ZPBP: variants seen among roughly 807,000 people sequenced by gnomAD.
The protein encoded by ZPBP is zona pellucida-binding protein 1.
ZPBP carries 26 observed loss-of-function variants against 44.8 expected under a neutral mutation model. That is an observed-to-expected ratio of 0.58 (90% CI 0.43 to 0.81). ZPBP has a LOEUF of 0.81. ZPBP is among the 30% of genes least tolerant of loss of function. The pLI, the probability that ZPBP is intolerant of heterozygous loss-of-function variation, is 0.00. For missense variants in ZPBP, 409 were observed against 434.0 expected, an observed-to-expected ratio of 0.94 and a Z score of 0.51; for synonymous variants, 174 against 153.2, an observed-to-expected ratio of 1.14 and a Z score of -1.00.
At chr7:49,872,102 A>G (rs541092471) in intron 2 of ZPBP, among the ~76,000 whole-genome samples, 7 of 152,290 alleles carry the variant, frequency 4.6e-5, no homozygotes, top group Middle Eastern at 3.4e-3. Context: ...ATACTATGAA[A>G]CAGAAACCTG....
intron 1 of ZPBP, 30 bp downstream of exon 1, chr7:50,093,038 C>T (rs199948929): frequency 3.8e-6 from 6 of 1,586,428 alleles, no homozygotes; most frequent in Middle Eastern, 1.7e-4. Context: ...GTTGTCCCTG[C>T]GGAGCCGGCA....
intron 6 of ZPBP, among the ~76,000 whole-genome samples, chr7:49,997,260 C>A (rs1362867043): frequency 6.6e-6 from 1 of 152,140 alleles, no homozygotes; most frequent in African/African-American, 2.4e-5. Context: ...ATATTTTGAC[C>A]CATGTTTCAG....
chr7:49,933,907 TG>T (rs1794539555), downstream of ZPBP, among the ~76,000 whole-genome samples: 1 of 31,912 alleles, frequency 3.1e-5, no homozygotes, highest in African/African-American at 1.3e-4. Flanking sequence ...TGTTGTGGGC[TG>T]GGGGGAGGGG....
At chr7:49,947,090 A>T (rs1795132537) in intron 7 of ZPBP, among the ~76,000 whole-genome samples, 1 of 152,102 alleles carries the variant, frequency 6.6e-6, no homozygotes. Flanking sequence ...CAGGATTCTG[A>T]ATTCCTTCTC....
At chr7:49,946,282 T>C (rs1407073231) in intron 7 of ZPBP, among the ~76,000 whole-genome samples, 1 of 152,132 alleles carries the variant, frequency 6.6e-6, no homozygotes, top group African/African-American at 2.4e-5. Context: ...TCTGTGTTTT[T>C]TTGTGTATTT....
chr7:49,855,944 C>T (rs1384729438), intron 2 of ZPBP, among the ~76,000 whole-genome samples: 1 of 152,214 alleles, frequency 6.6e-6, no homozygotes, highest in Non-Finnish European at 1.5e-5. Context: ...CACTGAGAGA[C>T]ACTAAGCCCC....
intron 2 of ZPBP, among the ~76,000 whole-genome samples, chr7:50,084,894 C>T (rs1802558692): frequency 6.6e-6 from 1 of 152,044 alleles, no homozygotes; most frequent in South Asian, 2.1e-4. Context: ...TCAGAAAAAA[C>T]ATTTCCAGAA....
rs571645757 is a variant in ZPBP, at chr7:50,009,066, A to G, written c.783+9174T>C. On this transcript the variant is annotated intron_variant, in intron 6 of 7. Coordinates refer to ENST00000046087, the MANE Select transcript of ZPBP (RefSeq NM_007009.3). ...CTGGCCATCATGGTGAAACCAAGTC[A>G]TTACTAAAAATACAAAAAAGATCAG... Among the ~76,000 whole-genome samples the G allele has an allele frequency of 3.3e-5, 5 of 151,902 alleles. No individual in the cohort carries two copies. In the South Asian group the frequency reaches 1.0e-3, roughly 32 times the overall value.
chr7:50,063,025 G>C (rs192814749), intron 3 of ZPBP, among the ~76,000 whole-genome samples: 2 of 152,244 alleles, frequency 1.3e-5, no homozygotes, highest in South Asian at 2.1e-4. Flanking sequence ...CTACAGAAGA[G>C]AGAAACAAAG....
At position 49,983,537 on chromosome 7, in the gene ZPBP, T is replaced by C. The variant is rs1797122127; in HGVS notation, c.784-18A>G. On this transcript the variant is annotated intron_variant, in intron 6 of 7. Coordinates refer to ENST00000046087, the MANE Select transcript of ZPBP (RefSeq NM_007009.3). Reference sequence around the variant, plus strand: ...TTTTTAGCCTAAAACATAAATACAATTTGATAAACTGTTAGCCATAAAAAA... The same window carrying C: ...TTTTTAGCCTAAAACATAAATACAACTTGATAAACTGTTAGCCATAAAAAA... The C allele has an allele frequency of 2.7e-6, 4 of 1,454,992 alleles. No individual in the cohort carries two copies. The highest frequency in any genetic ancestry group is 1.4e-5 in the African/African-American group (1 of 70,966). The allele number at this position is 1,454,992 out of a possible 1,614,324, so 90.1% of individuals were successfully genotyped here.
At position 50,093,175 on chromosome 7, in the gene ZPBP, C is replaced by A; in HGVS notation, c.20G>T (p.Gly7Val). The change falls in exon 1 of 8, where the codon GGC becomes GTC. Residue 7 changes from glycine to valine, a missense_variant. Around this residue, in one of 2 missense-constraint regions of ZPBP, gnomAD observed 367 missense variants for 363.1 expected, o/e 1.01. Transcript: ENST00000046087. MEAFALGPARRGRRRTR... is the reference protein window; with the variant it reads MEAFALVPARRGRRRTR... ...CCGCCGCCTGCCCCGCCGCGCTGGG[C>A]CAAGGGCGAAGGCCTCCATCCACAC... is the stretch of plus-strand genomic sequence containing the variant. The A allele has an allele frequency of 6.5e-7, 1 of 1,536,108 alleles. No individual in the cohort carries two copies. The highest frequency in any genetic ancestry group is 8.8e-7 in the Non-Finnish European group (1 of 1,142,806).
intron 2 of ZPBP, among the ~76,000 whole-genome samples, chr7:49,885,431 G>C (rs1229602087): frequency 6.6e-6 from 1 of 151,628 alleles, no homozygotes; most frequent in African/African-American, 2.4e-5. Context: ...AAGAAAATAT[G>C]GGAAAATTGC....
chr7:50,088,145 T>A (rs1304993181), intron 2 of ZPBP, among the ~76,000 whole-genome samples: 1 of 152,074 alleles, frequency 6.6e-6, no homozygotes, highest in African/African-American at 2.4e-5. Context: ...CCAACTGCTT[T>A]TCAATACGAG....
At chr7:49,954,756 CAA>C (rs1795499957) in intron 7 of ZPBP, among the ~76,000 whole-genome samples, 1 of 152,048 alleles carries the variant, frequency 6.6e-6, no homozygotes, top group African/African-American at 2.4e-5. Context: ...GAGAAATAGA[CAA>C]ATTCACAATA....
chr7:49,971,711 CTG>C (rs1448646555), intron 7 of ZPBP, among the ~76,000 whole-genome samples: 1 of 152,088 alleles, frequency 6.6e-6, no homozygotes, highest in African/African-American at 2.4e-5. Context: ...TACAAACAAT[CTG>C]AATGTTTGCA....
chr7:49,872,284 G>T (rs569194793), intron 2 of ZPBP, among the ~76,000 whole-genome samples: 112 of 152,090 alleles, frequency 7.4e-4, no homozygotes, highest in Non-Finnish European at 1.3e-3. Flanking sequence ...GAGGATTTTT[G>T]AGAAAAAAGT....
intron 3 of ZPBP, 125 bp from the exon 4 acceptor site, chr7:50,058,266 G>T: frequency 1.0e-6 from 1 of 970,984 alleles, no homozygotes; most frequent in Non-Finnish European, 1.6e-6. Flanking sequence ...GGGGGGCATA[G>T]CTAGGACATT....
intron 4 of ZPBP, among the ~76,000 whole-genome samples, chr7:50,054,434 A>G (rs1800835064): frequency 6.6e-6 from 1 of 152,176 alleles, no homozygotes; most frequent in South Asian, 2.1e-4. Context: ...TGAAAAGGCA[A>G]TCTACTGAAT....
At chr7:49,863,429 T>TTTTTC (rs546311405) in intron 2 of ZPBP, among the ~76,000 whole-genome samples, 387 of 152,256 alleles carry the variant, frequency 2.5e-3, no homozygotes, top group African/African-American at 8.8e-3. Flanking sequence ...TCTCTCCCTT[T>TTTTTC]TTTTCTTTTC....
Sources: gnomAD v4.1 joint callset for allele counts (sites outside exome capture counted in the v4.1 genomes callset) on GRCh38, gnomAD v4.1.1 for gene constraint, gnomAD v4.1.1 regional missense constraint, MANE v1.5 for transcripts, NCBI Gene and HGNC (gene_info 2026-07-23, HGNC 2026-07-21) for gene names.